Variants in SMARCA2 observed in about 807,000 individuals in gnomAD.
SMARCA2 encodes the protein SWI/SNF-related matrix-associated actin-dependent regulator of chromatin subfamily A member 2.
In SMARCA2, 61 loss-of-function variants were observed where a neutral mutation model predicts 199.8. The observed-to-expected ratio is 0.31, with a 90% CI of 0.25 to 0.38. SMARCA2 has a LOEUF of 0.38. Among genes scored for constraint, SMARCA2 ranks in the 10% least tolerant of loss-of-function variants. The probability of loss-of-function intolerance (pLI) is 1.00; values close to 1 mark genes in which losing one functional copy is unlikely to be tolerated. For missense variants in SMARCA2, 1,344 were observed against 2,012.2 expected (o/e 0.67, Z 6.35); for synonymous variants, 935 against 732.0 (o/e 1.28, Z -4.48).
intron 27 of SMARCA2, 133 bp downstream of exon 27, chr9:2,124,070 GAAGATAA>G: frequency 1.4e-6 from 1 of 724,420 alleles, no homozygotes; most frequent in Admixed American, 2.2e-5. Context: ...CTTGAACACA[GAAGATAA>G]AGTCATTCTG....
At chr9:2,121,088 C>A (rs760974171) in intron 26 of SMARCA2, among the ~76,000 whole-genome samples, 3 of 152,214 alleles carry the variant, frequency 2.0e-5, no homozygotes, top group Non-Finnish European at 4.4e-5. Flanking sequence ...ACTCTCAAGA[C>A]ACTGGAGAGG....
At chr9:2,171,931 C>A (rs530441174) in intron 29 of SMARCA2, among the ~76,000 whole-genome samples, 1 of 152,282 alleles carries the variant, frequency 6.6e-6, no homozygotes, top group South Asian at 2.1e-4. Flanking sequence ...CATGCCCAGG[C>A]TTTTTGAGGG....
chr9:2,170,905 G>T lies in SMARCA2; in HGVS notation c.4253+433G>T, dbSNP rs1826216256. 6.6e-6 allele frequency among the ~76,000 whole-genome samples: 1 copy of T among 152,228 alleles called. No individual in the cohort carries two copies. Among genetic ancestry groups the T allele is most frequent in the African/African-American group, 2.4e-5 (1 of 41,458 alleles). ...TCTCCTGCGAGACATGAAGAAGCGTGCATGTTCACGCTGTGTCTGCATTCC... is the reference window on the plus strand; with the variant it reads ...TCTCCTGCGAGACATGAAGAAGCGTTCATGTTCACGCTGTGTCTGCATTCC... On this transcript the variant is annotated intron_variant, in intron 29 of 33. Transcript: ENST00000349721. The surrounding 1 kb of genome is among the most constrained non-coding windows in gnomAD (Gnocchi z 4.7).
At chr9:2,069,402 CA>C (rs1364429104) in intron 9 of SMARCA2, among the ~76,000 whole-genome samples, 1 of 150,952 alleles carries the variant, frequency 6.6e-6, no homozygotes, top group Non-Finnish European at 1.5e-5. Flanking sequence ...TAAAAAAATA[CA>C]AAAAAATTAG....
At chr9:2,154,647 G>C (rs1428021703) in intron 27 of SMARCA2, among the ~76,000 whole-genome samples, 1 of 152,174 alleles carries the variant, frequency 6.6e-6, no homozygotes, top group African/African-American at 2.4e-5. Flanking sequence ...GCCCAGGAAA[G>C]AACCATTTAT....
intron 18 of SMARCA2, 32 bp downstream of exon 18, chr9:2,087,103 A>G: frequency 6.2e-7 from 1 of 1,612,648 alleles, no homozygotes; most frequent in Non-Finnish European, 8.5e-7. Flanking sequence ...TTTCCACTGC[A>G]TGATAATGAC....
intron 4 of SMARCA2, 169 bp downstream of exon 4, chr9:2,040,069 C>T: frequency 7.6e-7 from 1 of 1,311,052 alleles, no homozygotes; most frequent in South Asian, 1.5e-5. Flanking sequence ...CTTGGTCTTC[C>T]CCTGCTGTTG....
At chr9:2,156,280 G>A (rs1035162463) in intron 27 of SMARCA2, among the ~76,000 whole-genome samples, 8 of 152,162 alleles carry the variant, frequency 5.3e-5, no homozygotes, top group Admixed American at 5.2e-4. Flanking sequence ...GTGTCGAGGT[G>A]GTAAGAACAT....
chr9:2,037,012 CAT>C (rs1220222871), intron 3 of SMARCA2, among the ~76,000 whole-genome samples: 1 of 152,166 alleles, frequency 6.6e-6, no homozygotes, highest in Non-Finnish European at 1.5e-5. Flanking sequence ...AATCAGGAAA[CAT>C]ATGACTAATT....
intron 27 of SMARCA2, among the ~76,000 whole-genome samples, chr9:2,154,127 C>G (rs922868395): frequency 6.6e-6 from 1 of 152,214 alleles, no homozygotes; most frequent in African/African-American, 2.4e-5. Flanking sequence ...CTCTGTGCCT[C>G]AGTTTCCTCA....
intron 27 of SMARCA2, among the ~76,000 whole-genome samples, chr9:2,130,970 A>G (rs1454291977): frequency 6.6e-6 from 1 of 152,218 alleles, no homozygotes; most frequent in Non-Finnish European, 1.5e-5. Context: ...GGGTGATTGC[A>G]GAGCCAAAAA....
intron 21 of SMARCA2, among the ~76,000 whole-genome samples, chr9:2,099,796 C>G (rs1336046435): frequency 6.6e-6 from 1 of 152,094 alleles, no homozygotes; most frequent in African/African-American, 2.4e-5. Context: ...TCACTGCCTC[C>G]CTGGGGACCT....
At chr9:2,113,463 G>C (rs552100747) in intron 24 of SMARCA2, among the ~76,000 whole-genome samples, 1 of 152,236 alleles carries the variant, frequency 6.6e-6, no homozygotes, top group South Asian at 2.1e-4. Flanking sequence ...GTGTGATGAA[G>C]TTTCAGACCA....
chr9:2,192,801 C>A lies in SMARCA2; in HGVS notation c.*62C>A. On this transcript the variant is annotated 3_prime_UTR_variant, in exon 34 of 34. Transcript: ENST00000349721. ...CTTCCTCCCCTGTCTCATTTCTACC[C>A]AGTGAGTTCATTTGTCATATAGGCA... 1 of 1,229,888 alleles carries A rather than the reference C, an allele frequency of 8.1e-7. No homozygotes were observed. The highest frequency in any genetic ancestry group is 1.2e-6 in the Non-Finnish European group (1 of 831,880). The allele number at this position is 1,229,888 out of a possible 1,614,324, so 76.2% of individuals were successfully genotyped here.
chr9:2,120,402 A>G (rs1166878192), intron 26 of SMARCA2, among the ~76,000 whole-genome samples: 1 of 152,228 alleles, frequency 6.6e-6, no homozygotes, highest in Non-Finnish European at 1.5e-5. Context: ...TGTGAGACCT[A>G]TGTCGCCAGA....
chr9:2,170,534 G>T lies in SMARCA2; in HGVS notation c.4253+62G>T, dbSNP rs972490032. 20 of 1,612,248 alleles carry T rather than the reference G, an allele frequency of 1.2e-5. No individual in the cohort carries two copies. The African/African-American group carries it at 2.5e-4, about 20-fold the overall frequency. ...CAGGTATCCCTCGTTACGTGAAACA[G>T]ATTGAATCATATAATCGGCCTTTGG... On this transcript the variant is annotated intron_variant, in intron 29 of 33. Transcript: ENST00000349721. This position sits in a 1 kb window ranked among gnomAD's most constrained non-coding sequence, Gnocchi z 4.7.
In SMARCA2 at chr9:2,169,896, G is replaced by A. The variant is rs1247258439; in HGVS notation, c.4200-523G>A. Among the ~76,000 whole-genome samples the A allele has an allele frequency of 1.3e-5, 2 of 152,222 alleles. No individual in the cohort carries two copies. The highest frequency in any genetic ancestry group is 1.3e-4 in the Admixed American group (2 of 15,292). ...TCTCTCGAAAAGGAATAGAGCTCTT[G>A]GAAGCAGAGCTGACTAGTTAGATGG... On this transcript the variant is annotated intron_variant, in intron 28 of 33. Coordinates refer to ENST00000349721, the MANE Select transcript of SMARCA2 (RefSeq NM_003070.5). The surrounding 1 kb of genome is among the most constrained non-coding windows in gnomAD (Gnocchi z 6.5).
chr9:2,180,079 CG>C (rs762769036), intron 29 of SMARCA2, among the ~76,000 whole-genome samples: 2 of 152,108 alleles, frequency 1.3e-5, no homozygotes, highest in Admixed American at 6.6e-5. Context: ...ACGCATTTCT[CG>C]AAGAGATGTG....
chr9:2,045,219 A>C (rs575411277), intron 4 of SMARCA2: 1 of 152,350 alleles, frequency 6.6e-6, no homozygotes, highest in South Asian at 2.1e-4. Context: ...GTAAGACCTA[A>C]AGATGGTTGC....
Sources: gnomAD v4.1 joint callset for allele counts (sites outside exome capture counted in the v4.1 genomes callset) on GRCh38, gnomAD v4.1.1 for gene constraint, Gnocchi (gnomAD v3.1) non-coding constraint, MANE v1.5 for transcripts, NCBI Gene and HGNC (gene_info 2026-07-23, HGNC 2026-07-21) for gene names.